Variants in GRM5 observed in about 807,000 individuals in gnomAD.
The protein encoded by GRM5 is glutamate metabotropic receptor 5, also known as metabotropic glutamate receptor 5.
Under a neutral mutation model 83.1 loss-of-function variants are expected in GRM5, and 19 were observed. The ratio of observed to expected loss-of-function variants is 0.23; its 90% CI spans 0.16 to 0.34. The LOEUF (loss-of-function observed/expected upper bound fraction) is 0.34. GRM5 is among the 10% of genes least tolerant of loss of function. The probability of loss-of-function intolerance (pLI) is 1.00; values close to 1 mark genes in which losing one functional copy is unlikely to be tolerated. For synonymous variants in GRM5, 675 were observed against 633.6 expected, an observed-to-expected ratio of 1.07 and a Z score of -0.98; for missense variants, 1,160 against 1,588.3, an observed-to-expected ratio of 0.73 and a Z score of 4.58.
intron 2 of GRM5, among the ~76,000 whole-genome samples, chr11:88,886,313 C>T (rs1032982042): frequency 1.7e-4 from 26 of 152,244 alleles, no homozygotes; most frequent in African/African-American, 5.5e-4. Context: ...AATGGGGGCT[C>T]GTCCGGGATA....
chr11:88,572,083 T>A (rs1412003888), intron 7 of GRM5, among the ~76,000 whole-genome samples: 1 of 152,178 alleles, frequency 6.6e-6, no homozygotes, highest in Non-Finnish European at 1.5e-5. Context: ...AGGGTCACAT[T>A]TCATGGGAAT....
intron 5 of GRM5, among the ~76,000 whole-genome samples, chr11:88,600,270 C>T (rs1290928383): frequency 7.1e-6 from 1 of 141,380 alleles, no homozygotes; most frequent in Non-Finnish European, 1.5e-5. Flanking sequence ...CCTTCTTCCT[C>T]CTGCTCCTTC....
At chr11:88,526,202 A>C (rs983531367) in intron 8 of GRM5, among the ~76,000 whole-genome samples, 3 of 152,222 alleles carry the variant, frequency 2.0e-5, no homozygotes, top group African/African-American at 7.2e-5. Flanking sequence ...CGCTTTGAAG[A>C]TACCAGATAT....
intron 2 of GRM5, among the ~76,000 whole-genome samples, chr11:88,902,325 C>T (rs1945326307): frequency 1.3e-5 from 2 of 151,838 alleles, no homozygotes; most frequent in Non-Finnish European, 2.9e-5. Context: ...AAAAATTTCC[C>T]CCAGACTCAC....
At chr11:88,834,378 T>C (rs568423108) in intron 3 of GRM5, among the ~76,000 whole-genome samples, 1 of 152,332 alleles carries the variant, frequency 6.6e-6, no homozygotes, top group East Asian at 1.9e-4. Flanking sequence ...AGAATCTCTA[T>C]AAATCATCTT....
chr11:89,016,281 T>C (rs1448056361), intron 2 of GRM5, among the ~76,000 whole-genome samples: 1 of 149,942 alleles, frequency 6.7e-6, no homozygotes, highest in Non-Finnish European at 1.5e-5. Flanking sequence ...ATAATATATA[T>C]TCATCTTTCA....
chr11:89,008,305 C>G (rs1274523415), intron 2 of GRM5, among the ~76,000 whole-genome samples: 1 of 152,098 alleles, frequency 6.6e-6, no homozygotes, highest in Non-Finnish European at 1.5e-5. Flanking sequence ...GCTGGATTAT[C>G]AAGCAAATAT....
intron 2 of GRM5, among the ~76,000 whole-genome samples, chr11:88,978,088 C>G (rs545646127): frequency 2.6e-5 from 4 of 152,172 alleles, no homozygotes; most frequent in Non-Finnish European, 4.4e-5. Flanking sequence ...TGAAGCCAAC[C>G]TTCCTCACAA....
chr11:88,813,934 G>A (rs1186276199), intron 3 of GRM5, among the ~76,000 whole-genome samples: 1 of 151,332 alleles, frequency 6.6e-6, no homozygotes, highest in Non-Finnish European at 1.5e-5. Context: ...TACTTTCCCT[G>A]ATTAACCATT....
intron 2 of GRM5, among the ~76,000 whole-genome samples, chr11:88,866,598 C>T (rs1025701640): frequency 6.6e-6 from 1 of 151,730 alleles, no homozygotes; most frequent in Non-Finnish European, 1.5e-5. Flanking sequence ...GAACAAAGGC[C>T]TGATTTTGGA....
chr11:88,693,075 T>C (rs1940817240), intron 3 of GRM5, among the ~76,000 whole-genome samples: 1 of 151,898 alleles, frequency 6.6e-6, no homozygotes, highest in African/African-American at 2.4e-5. Flanking sequence ...TTAAGGAAAA[T>C]ATAAATGGAA....
At chr11:88,671,781 A>G (rs1380376865) in intron 3 of GRM5, among the ~76,000 whole-genome samples, 1 of 152,086 alleles carries the variant, frequency 6.6e-6, no homozygotes, top group Non-Finnish European at 1.5e-5. Context: ...TAGACTTGGA[A>G]TGAGCAAGCT....
At chr11:89,011,581 A>C (rs894648645) in intron 2 of GRM5, among the ~76,000 whole-genome samples, 1 of 152,216 alleles carries the variant, frequency 6.6e-6, no homozygotes, top group Non-Finnish European at 1.5e-5. Flanking sequence ...TTGCCTTTTC[A>C]TTCATAGTGG....
intron 3 of GRM5, among the ~76,000 whole-genome samples, chr11:88,807,082 A>G (rs867789428): frequency 1.3e-5 from 2 of 152,104 alleles, no homozygotes; most frequent in African/African-American, 2.4e-5. Flanking sequence ...GTTGACATGG[A>G]TTTCTCACTG....
intron 2 of GRM5, among the ~76,000 whole-genome samples, chr11:88,933,148 CA>C (rs1228807812): frequency 1.4e-5 from 2 of 145,956 alleles, no homozygotes; most frequent in African/African-American, 2.5e-5. Context: ...GAGAGGTTTT[CA>C]GAAAATACCT....
intron 1 of GRM5, among the ~76,000 whole-genome samples, chr11:89,051,468 GGGA>G (rs1941760177): frequency 6.6e-6 from 1 of 151,992 alleles, no homozygotes; most frequent in Non-Finnish European, 1.5e-5. Flanking sequence ...CCAGCACTTT[GGGA>G]GGCCGAGGCG....
chr11:89,059,383 T>G (rs1941942337), intron 1 of GRM5, among the ~76,000 whole-genome samples: 1 of 152,200 alleles, frequency 6.6e-6, no homozygotes, highest in African/African-American at 2.4e-5. Context: ...AAAATATTCT[T>G]GAATATATGA....
chr11:89,002,138 TA>T (rs1565330148), intron 2 of GRM5, among the ~76,000 whole-genome samples: 1 of 152,120 alleles, frequency 6.6e-6, no homozygotes, highest in Non-Finnish European at 1.5e-5. Flanking sequence ...ATTTCTATTT[TA>T]AGTTTAACTA....
At chr11:88,776,451 T>C (rs1330031338) in intron 3 of GRM5, among the ~76,000 whole-genome samples, 3 of 152,200 alleles carry the variant, frequency 2.0e-5, no homozygotes, top group Non-Finnish European at 2.9e-5. Flanking sequence ...AAGGTTAATA[T>C]TGTTATATGT....
Sources: allele counts gnomAD v4.1 joint callset (sites outside exome capture counted in the v4.1 genomes callset), GRCh38; gene constraint gnomAD v4.1.1; transcripts MANE v1.5; gene names NCBI Gene and HGNC (gene_info 2026-07-23, HGNC 2026-07-21).